ZNF492: variants seen among roughly 807,000 people sequenced by gnomAD.
ZNF492 encodes the protein zinc finger protein 492.
A neutral mutation model predicts 6.4 loss-of-function variants in ZNF492; 3 were observed. That is an observed-to-expected ratio of 0.47 (90% CI 0.21 to 1.22). The LOEUF is 1.22. Ranked by LOEUF, ZNF492 falls within the 50% of genes most tolerant of loss-of-function variation. The pLI is 0.22. For synonymous variants in ZNF492, 112 were observed against 205.3 expected (o/e 0.55, Z 3.89); for missense variants, 356 against 612.5 (o/e 0.58, Z 4.42).
At chr19:22,638,952 C>G (rs1301670296) in intron 1 of ZNF492, among the ~76,000 whole-genome samples, 1 of 151,992 alleles carries the variant, frequency 6.6e-6, no homozygotes, top group Non-Finnish European at 1.5e-5. Flanking sequence ...AAGCAATTCT[C>G]TCCCTCAGCC....
intron 3 of ZNF492, among the ~76,000 whole-genome samples, chr19:22,655,019 A>G (rs1378815476): frequency 1.3e-5 from 2 of 150,988 alleles, no homozygotes; most frequent in Non-Finnish European, 3.0e-5. Flanking sequence ...TCAGCCGGGC[A>G]TGGTGGCTCA....
rs71180575 is a variant in ZNF492, at chr19:22,647,727, G to GTTTTTTTTTTTTTTT, written c.-93-5574_-93-5560dup. ...TTGCTCTTGCTTTCTAGCTCTTTTA[G>GTTTTTTTTTTTTTTT]TTTTTTTTTTTTTTTTTTTTGAGAT... On this transcript the variant is annotated intron_variant, in intron 1 of 3. Coordinates refer to ENST00000456783, the MANE Select transcript of ZNF492 (RefSeq NM_020855.3). 6.9e-4 allele frequency among the ~76,000 whole-genome samples: 64 copies of GTTTTTTTTTTTTTTT among 92,568 alleles called. 5 individuals are homozygous for GTTTTTTTTTTTTTTT. Among genetic ancestry groups the GTTTTTTTTTTTTTTT allele is most frequent in the African/African-American group, 1.1e-3 (24 of 21,070 alleles). 60.7% of individuals were successfully genotyped at this position (92,568 alleles called of 152,430 possible).
intron 1 of ZNF492, among the ~76,000 whole-genome samples, chr19:22,650,191 G>C (rs1383328918): frequency 6.6e-6 from 1 of 152,072 alleles, no homozygotes; most frequent in East Asian, 1.9e-4. Context: ...TGGTTGCTGT[G>C]GTTTGCTGGG....
At chr19:22,639,711 C>CAAAA (rs34864212) in intron 1 of ZNF492, among the ~76,000 whole-genome samples, 1 of 90,592 alleles carries the variant, frequency 1.1e-5, no homozygotes, top group Non-Finnish European at 2.3e-5. Flanking sequence ...AACTTGGTCT[C>CAAAA]AAAAAAAAAA....
At chr19:22,638,814 A>G (rs1971794093) in intron 1 of ZNF492, among the ~76,000 whole-genome samples, 1 of 151,246 alleles carries the variant, frequency 6.6e-6, no homozygotes, top group South Asian at 2.1e-4. Context: ...CTTTGGCAGG[A>G]TGACTATTTT....
In ZNF492 at chr19:22,664,240, C is replaced by G; in HGVS notation, c.571C>G (p.His191Asp). ...AAACCTTTCTACACATAAAAGAATTCATACTGGAAAGAAACCCTACAAATG... is the reference window on the plus strand; with the variant it reads ...AAACCTTTCTACACATAAAAGAATTGATACTGGAAAGAAACCCTACAAATG... ...TSNLSTHKRI[H>D]TGKKPYKCEE... Residue 191 changes from histidine (H) to aspartate (D), a missense_variant, in exon 4 of 4, where the codon CAT (histidine) becomes GAT (aspartate). His to Asp is a moderately conservative substitution (Grantham distance 81). This residue lies in a region of ZNF492 where 196 missense variants were observed against 219.4 expected (regional missense o/e 0.89). Transcript: ENST00000456783. 1 of 1,610,218 alleles carries G rather than the reference C, an allele frequency of 6.2e-7. No individual in the cohort carries two copies. Among genetic ancestry groups the G allele is most frequent in the Non-Finnish European group, 8.5e-7 (1 of 1,177,900 alleles).
At chr19:22,641,623 C>T (rs577748087) in intron 1 of ZNF492, among the ~76,000 whole-genome samples, 1 of 152,178 alleles carries the variant, frequency 6.6e-6, no homozygotes, top group South Asian at 2.1e-4. Flanking sequence ...ACTGTTTAGT[C>T]AAGTGTTGAG....
chr19:22,638,945 C>G (rs1240700802), intron 1 of ZNF492, among the ~76,000 whole-genome samples: 1 of 151,984 alleles, frequency 6.6e-6, no homozygotes, highest in African/African-American at 2.4e-5. Flanking sequence ...CGGGTTCAAG[C>G]AATTCTCTCC....
At chr19:22,662,803 T>G (rs904694161) in intron 3 of ZNF492, among the ~76,000 whole-genome samples, 41 of 151,796 alleles carry the variant, frequency 2.7e-4, no homozygotes, top group Non-Finnish European at 4.4e-4. Context: ...CTTGTAAATT[T>G]GTTTAAGTTC....
intron 1 of ZNF492, among the ~76,000 whole-genome samples, chr19:22,634,925 T>C (rs1971745122): frequency 6.6e-6 from 1 of 151,874 alleles, no homozygotes; most frequent in Non-Finnish European, 1.5e-5. Context: ...AAGCAAGGAG[T>C]GGTTCAAAAG....
chr19:22,657,390 T>C (rs1301159296), intron 3 of ZNF492, among the ~76,000 whole-genome samples: 1 of 152,152 alleles, frequency 6.6e-6, no homozygotes, highest in Non-Finnish European at 1.5e-5. Flanking sequence ...TACAGCAGTT[T>C]TATTTTGTGT....
intron 1 of ZNF492, among the ~76,000 whole-genome samples, chr19:22,648,612 A>G (rs1030759970): frequency 2.0e-5 from 3 of 152,240 alleles, no homozygotes; most frequent in African/African-American, 7.2e-5. Flanking sequence ...AACTTGCTTC[A>G]TGAGTCTGAG....
intron 1 of ZNF492, among the ~76,000 whole-genome samples, chr19:22,648,555 C>T (rs574406684): frequency 1.3e-5 from 2 of 152,200 alleles, no homozygotes; most frequent in Admixed American, 6.5e-5. Flanking sequence ...GTGTTAAAGT[C>T]TCCCACTGAT....
intron 3 of ZNF492, among the ~76,000 whole-genome samples, chr19:22,656,189 G>T (rs1162603665): frequency 6.8e-6 from 1 of 146,894 alleles, no homozygotes; most frequent in Non-Finnish European, 1.5e-5. Flanking sequence ...AGGGTGATGG[G>T]ATGTCCTATG....
rs190534261 is a variant in ZNF492, at chr19:22,647,434, T to A, written c.-93-5873T>A. On this transcript the variant is annotated intron_variant, in intron 1 of 3. Coordinates refer to ENST00000456783, the MANE Select transcript of ZNF492 (RefSeq NM_020855.3). ...ACTACACCCAGTTAATTTTTTTTTT[T>A]AATTTTTATTAGAGATGGGGTTTCA... Among the ~76,000 whole-genome samples the A allele has an allele frequency of 5.9e-4, 89 of 150,762 alleles. No homozygotes were observed. The South Asian group carries it at 7.8e-3, about 13-fold the overall frequency.
chr19:22,653,618 A>G (rs539129291), intron 2 of ZNF492, among the ~76,000 whole-genome samples, 185 bp downstream of exon 2: 62 of 152,060 alleles, frequency 4.1e-4, no homozygotes, highest in Non-Finnish European at 6.6e-4. Context: ...CACACTCCTG[A>G]GCTGATCTGT....
chr19:22,656,394 A>G (rs1422606089), intron 3 of ZNF492, among the ~76,000 whole-genome samples: 1 of 151,870 alleles, frequency 6.6e-6, no homozygotes, highest in Non-Finnish European at 1.5e-5. Flanking sequence ...TTGGGTCTGC[A>G]TATGGTAGGC....
chr19:22,654,760 CCTGA>C (rs1030899723), intron 3 of ZNF492, among the ~76,000 whole-genome samples: 9 of 151,096 alleles, frequency 6.0e-5, no homozygotes, highest in African/African-American at 1.9e-4. Context: ...AGCCACCATG[CCTGA>C]CTAATTTTTG....
chr19:22,663,050 G>C (rs1343505061), intron 3 of ZNF492, among the ~76,000 whole-genome samples: 47 of 152,132 alleles, frequency 3.1e-4, no homozygotes, highest in East Asian at 1.4e-3. Context: ...TTTTCCTCTA[G>C]GGTTTTTATG....
Sources: allele counts gnomAD v4.1 joint callset (sites outside exome capture counted in the v4.1 genomes callset), GRCh38; gene constraint gnomAD v4.1.1; regional missense constraint gnomAD v4.1.1; transcripts MANE v1.5; gene names NCBI Gene and HGNC (gene_info 2026-07-23, HGNC 2026-07-21).